The following BLTP1 variants were observed in gnomAD, a reference collection of about 807,000 sequenced individuals.
BLTP1 encodes bridge-like lipid transfer protein family member 1.
chr4:122,247,410 A>T, the BLTP1 span: 4 of 1,593,612 alleles, frequency 2.5e-6, no homozygotes, highest in Non-Finnish European at 3.4e-6. Flanking sequence ...ATGTAAGATG[A>T]TTTTGCAGAA....
At chr4:122,321,246 G>C in the BLTP1 span, among the ~76,000 whole-genome samples, 1 of 151,864 alleles carries the variant, frequency 6.6e-6, no homozygotes, top group African/African-American at 2.4e-5. Flanking sequence ...ATCTGTACAC[G>C]TATAATTAAT....
At chr4:122,220,523 A>T in the BLTP1 span, 1 of 1,457,362 alleles carries the variant, frequency 6.9e-7, no homozygotes, top group Non-Finnish European at 9.5e-7. Context: ...ATTAATATTT[A>T]TTGGGTTAAA....
chr4:122,354,647 T>A, the BLTP1 span, among the ~76,000 whole-genome samples: 1 of 151,266 alleles, frequency 6.6e-6, no homozygotes, highest in African/African-American at 2.4e-5. Flanking sequence ...ATGTTTTACA[T>A]AAAAATGACC....
At chr4:122,349,735 A>G in the BLTP1 span, 1 of 1,535,084 alleles carries the variant, frequency 6.5e-7, no homozygotes, top group Non-Finnish European at 8.7e-7. The surrounding 1 kb of genome is among the most constrained non-coding windows in gnomAD (Gnocchi z 4.5). Flanking sequence ...TTTTCTTACA[A>G]AACTCTTATT....
the BLTP1 span, chr4:122,224,335 TA>T: frequency 2.8e-6 from 1 of 355,906 alleles, no homozygotes; most frequent in Non-Finnish European, 3.9e-6. Context: ...TAACTCAGAA[TA>T]CCTCTGCGGG....
the BLTP1 span, chr4:122,170,386 G>A: frequency 2.0e-6 from 2 of 980,048 alleles, no homozygotes; most frequent in South Asian, 9.5e-5. Flanking sequence ...CTTAGTTAGT[G>A]CTTACATTTA....
the BLTP1 span, chr4:122,174,573 G>A: frequency 3.7e-6 from 6 of 1,609,322 alleles, no homozygotes; most frequent in Non-Finnish European, 3.4e-6. Flanking sequence ...TCCTATAACA[G>A]GTTCCTTCTC....
chr4:122,304,193 T>C, the BLTP1 span, among the ~76,000 whole-genome samples: 19 of 152,170 alleles, frequency 1.2e-4, no homozygotes, highest in Admixed American at 9.8e-4. Flanking sequence ...CTCAGATGAT[T>C]GTTGGCATTT....
the BLTP1 span, chr4:122,215,610 A>G: frequency 2.1e-6 from 2 of 972,898 alleles, no homozygotes; most frequent in African/African-American, 1.8e-5. Context: ...AACAGTCATC[A>G]GGACTGGGGT....
chr4:122,223,653 A>G, the BLTP1 span, among the ~76,000 whole-genome samples: 7 of 152,202 alleles, frequency 4.6e-5, no homozygotes, highest in African/African-American at 7.2e-5. Context: ...TCAGATTTGT[A>G]TGTTTAGAAG....
At chr4:122,225,307 A>G in the BLTP1 span, 1 of 152,788 alleles carries the variant, frequency 6.5e-6, no homozygotes, top group Non-Finnish European at 1.5e-5. Context: ...CTTAATCCTT[A>G]GAAGGCACAA....
At chr4:122,259,554 T>G in the BLTP1 span, among the ~76,000 whole-genome samples, 1 of 152,212 alleles carries the variant, frequency 6.6e-6, no homozygotes, top group East Asian at 1.9e-4. Flanking sequence ...TTGTGAGCAC[T>G]GAAAAAGTTA....
At chr4:122,343,829 C>T in the BLTP1 span, 2 of 516,684 alleles carry the variant, frequency 3.9e-6, no homozygotes, top group Non-Finnish European at 5.0e-6. Context: ...AGAATATTTT[C>T]TAAGCGGTAT....
At chr4:122,232,496 A>G in the BLTP1 span, among the ~76,000 whole-genome samples, 2 of 152,142 alleles carry the variant, frequency 1.3e-5, no homozygotes, top group African/African-American at 4.8e-5. Flanking sequence ...AGTCCCAGCT[A>G]CTTGGGAGGC....
chr4:122,195,195 G>A, the BLTP1 span, among the ~76,000 whole-genome samples: 3 of 152,120 alleles, frequency 2.0e-5, no homozygotes, highest in African/African-American at 2.4e-5. Flanking sequence ...TTTTGAAATA[G>A]CATGGTTTTA....
chr4:122,244,096 T>A, the BLTP1 span: 2 of 1,424,402 alleles, frequency 1.4e-6, no homozygotes, highest in Non-Finnish European at 1.9e-6. Context: ...GATAAGTATA[T>A]GTGATATGTT....
chr4:122,267,051 A>ATTATTATTTTTTTTTTTT, the BLTP1 span: 1 of 138,564 alleles, frequency 7.2e-6, no homozygotes, highest in African/African-American at 7.0e-5. Context: ...TAAGGAAGTA[A>ATTATTATTTTTTTTTTTT]TTTTTTTTTT....
chr4:122,267,501 C>T, the BLTP1 span: 2 of 233,288 alleles, frequency 8.6e-6, no homozygotes, highest in African/African-American at 4.7e-5. Context: ...CACGTTAGCA[C>T]ATAGATGAGG....
At chr4:122,352,086 T>C in the BLTP1 span, among the ~76,000 whole-genome samples, 1 of 152,308 alleles carries the variant, frequency 6.6e-6, no homozygotes, top group African/African-American at 2.4e-5. Context: ...TCCCAGGCAA[T>C]GCTGATTCTG....
Sources: allele counts gnomAD v4.1 joint callset (sites outside exome capture counted in the v4.1 genomes callset), GRCh38; gene constraint gnomAD v4.1.1; non-coding constraint Gnocchi (gnomAD v3.1); transcripts MANE v1.5; gene names NCBI Gene and HGNC (gene_info 2026-07-23, HGNC 2026-07-21).